VSNL1: variants seen among roughly 807,000 people sequenced by gnomAD.
VSNL1 encodes visinin-like protein 1.
VSNL1 carries 6 observed loss-of-function variants against 20.4 expected under a neutral mutation model. That is an observed-to-expected ratio of 0.29 (90% confidence interval 0.16 to 0.58). The LOEUF is 0.58. VSNL1 is among the 20% of genes least tolerant of loss of function. The probability of loss-of-function intolerance (pLI) is 0.90; values close to 1 mark genes in which losing one functional copy is unlikely to be tolerated. For synonymous variants in VSNL1, 93 were observed against 86.4 expected, an observed-to-expected ratio of 1.08 and a Z score of -0.42; for missense variants, 100 against 234.5, an observed-to-expected ratio of 0.43 and a Z score of 3.75.
chr2:17,551,573 T>G (rs1004941741), intron 1 of VSNL1, among the ~76,000 whole-genome samples: 5 of 152,258 alleles, frequency 3.3e-5, no homozygotes, highest in African/African-American at 1.2e-4. Context: ...TATGATTCAT[T>G]CTTAAAACAA....
chr2:17,610,767 A>G (rs1181256020), intron 2 of VSNL1, among the ~76,000 whole-genome samples: 1 of 152,202 alleles, frequency 6.6e-6, no homozygotes, highest in African/African-American at 2.4e-5. Context: ...TCCAGATGAC[A>G]GGGGCTTGGC....
chr2:17,609,408 C>G (rs942379658), intron 2 of VSNL1, among the ~76,000 whole-genome samples: 27 of 152,166 alleles, frequency 1.8e-4, no homozygotes, highest in Admixed American at 1.8e-3. Context: ...TTTGGTTGGC[C>G]ACATGTTCAG....
intron 1 of VSNL1, among the ~76,000 whole-genome samples, chr2:17,546,309 C>G (rs1175483049): frequency 6.6e-6 from 1 of 151,946 alleles, no homozygotes; most frequent in Middle Eastern, 3.2e-3. Flanking sequence ...AAATCTCTCA[C>G]TTTTTAAGTA....
In VSNL1 at chr2:17,592,640, C is replaced by CT. The variant is rs55756596; in HGVS notation, c.162+443dup. Among the ~76,000 whole-genome samples, 65 of 70,880 alleles carry CT rather than the reference C, an allele frequency of 9.2e-4. 1 individual carries two copies. Among genetic ancestry groups the CT allele is most frequent in the African/African-American group, 3.2e-3 (65 of 20,366 alleles). 46.5% of individuals were successfully genotyped at this position (70,880 alleles called of 152,430 possible). A position where few individuals can be genotyped will look rare whatever the true frequency, so the allele number is the denominator to read the frequency against. On this transcript the variant is annotated intron_variant, in intron 2 of 3. Coordinates refer to ENST00000295156, the MANE Select transcript of VSNL1 (RefSeq NM_003385.5). ...AAGAGGGCTTTTTCTCTCTCTCTCT[C>CT]TTTTTTTTTTTTTTTTTTTTTTTTT... is the stretch of plus-strand genomic sequence containing the variant.
intron 1 of VSNL1, 26 bp from the exon 2 acceptor site, chr2:17,592,044 A>G (rs1664603201): frequency 6.2e-7 from 1 of 1,613,108 alleles, no homozygotes; most frequent in Non-Finnish European, 8.5e-7. Context: ...CCACAGCGCT[A>G]ATTGAATTAA....
At chr2:17,628,630 C>T (rs1665564144) in intron 2 of VSNL1, among the ~76,000 whole-genome samples, 1 of 152,174 alleles carries the variant, frequency 6.6e-6, no homozygotes, top group African/African-American at 2.4e-5. Flanking sequence ...AGAATACCTC[C>T]CTCTAAATGG....
At position 17,655,085 on chromosome 2, in the gene VSNL1, A is replaced by G; in HGVS notation, c.379-112A>G. The stretch of plus-strand genomic sequence containing the variant: ...GAGTGAAACTCCTCTGGGGAAAGGG[A>G]AGCTGAGGCTTGGAGGATGGGTGGG... On this transcript the variant is annotated intron_variant, in intron 3 of 3. Coordinates refer to ENST00000295156, the MANE Select transcript of VSNL1 (RefSeq NM_003385.5). This position sits in a 1 kb window ranked among gnomAD's most constrained non-coding sequence, Gnocchi z 5.2. 2.8e-6 allele frequency: 3 copies of G among 1,072,984 alleles called. No individual in the cohort carries two copies. The highest frequency in any genetic ancestry group is 4.1e-6 in the Non-Finnish European group (3 of 734,874). 66.5% of individuals were successfully genotyped at this position (1,072,984 alleles called of 1,614,324 possible).
intron 2 of VSNL1, among the ~76,000 whole-genome samples, chr2:17,643,399 A>C (rs2103424091): frequency 6.6e-6 from 1 of 152,322 alleles, no homozygotes; most frequent in Non-Finnish European, 1.5e-5. Flanking sequence ...TTGCAGGCCA[A>C]GTGGTGAGCC....
At chr2:17,633,348 C>CA (rs10706048) in intron 2 of VSNL1, among the ~76,000 whole-genome samples, 93 of 50,510 alleles carry the variant, frequency 1.8e-3, no homozygotes, top group African/African-American at 2.1e-3. Context: ...ACTAAAAATA[C>CA]AAAAAAAAAA....
intron 2 of VSNL1, among the ~76,000 whole-genome samples, chr2:17,643,901 G>A (rs1558310489): frequency 6.6e-6 from 1 of 152,310 alleles, no homozygotes; most frequent in Non-Finnish European, 1.5e-5. Flanking sequence ...AGCGGCCCCG[G>A]GACAAGGGAG....
chr2:17,644,725 T>G (rs79642726), intron 2 of VSNL1, among the ~76,000 whole-genome samples: 4,417 of 152,314 alleles, frequency 0.029, 83 homozygotes, highest in African/African-American at 0.058. Flanking sequence ...GAGAAGGACC[T>G]GCTTAGAGCC....
At chr2:17,619,220 T>C (rs550637850) in intron 2 of VSNL1, among the ~76,000 whole-genome samples, 2 of 152,322 alleles carry the variant, frequency 1.3e-5, no homozygotes, top group East Asian at 3.9e-4. Context: ...ACAACTGAAA[T>C]TGGATCTGGT....
chr2:17,610,948 C>T (rs13019617), intron 2 of VSNL1, among the ~76,000 whole-genome samples: 1 of 151,960 alleles, frequency 6.6e-6, no homozygotes, highest in African/African-American at 2.4e-5. Flanking sequence ...TCTGATCCTG[C>T]TGGTAGTTTT....
At chr2:17,602,423 AT>A (rs1029691463) in intron 2 of VSNL1, among the ~76,000 whole-genome samples, 118 of 152,244 alleles carry the variant, frequency 7.8e-4, no homozygotes, top group African/African-American at 2.2e-3. Flanking sequence ...ATTTTGGGCT[AT>A]TTTACGACCA....
rs548008478 is a variant in VSNL1 at position 17,557,912 on chromosome 2, G to T, written c.-6+16994G>T. ...TGCTTTCCTGTGGTGTAGATGTATAGGTCATTAGATACGCCCAAGTGCTCC... is the reference window on the plus strand; with the variant it reads ...TGCTTTCCTGTGGTGTAGATGTATATGTCATTAGATACGCCCAAGTGCTCC... On this transcript the variant is annotated intron_variant, in intron 1 of 3. Transcript: ENST00000295156. 3.0e-4 allele frequency among the ~76,000 whole-genome samples: 45 copies of T among 151,886 alleles called. 1 individual carries two copies. Among genetic ancestry groups the T allele is most frequent in the Admixed American group, 2.1e-3 (32 of 15,262 alleles).
intron 2 of VSNL1, among the ~76,000 whole-genome samples, chr2:17,648,176 G>A (rs1666039679): frequency 1.3e-5 from 2 of 152,176 alleles, no homozygotes; most frequent in South Asian, 4.1e-4. Flanking sequence ...CCTTCTCCTG[G>A]AATGCTTGGC....
At chr2:17,578,084 G>A (rs997352754) in intron 1 of VSNL1, among the ~76,000 whole-genome samples, 5 of 152,050 alleles carry the variant, frequency 3.3e-5, no homozygotes, top group African/African-American at 4.8e-5. Context: ...CTAAAATATC[G>A]GTCATATAGA....
chr2:17,593,836 G>T (rs949761069), intron 2 of VSNL1, among the ~76,000 whole-genome samples: 6 of 152,172 alleles, frequency 3.9e-5, no homozygotes, highest in Non-Finnish European at 5.9e-5. Flanking sequence ...ACTCTCCCTA[G>T]TTTTCAATGT....
In VSNL1 at chr2:17,540,926, G is replaced by A. The variant is rs1663271367; in HGVS notation, c.-6+8G>A. ...GTGCGCAGCGCTGTAACTGTAAGTG[G>A]AAAATACAATCTTCGTTGCATTTCT... On this transcript the variant is annotated splice_region_variant and intron_variant, in intron 1 of 3. Transcript: ENST00000295156. 2.6e-5 allele frequency: 4 copies of A among 152,276 alleles called. No homozygotes were observed. Among genetic ancestry groups the A allele is most frequent in the Admixed American group, 2.6e-4 (4 of 15,284 alleles). 9.4% of individuals were successfully genotyped at this position (152,276 alleles called of 1,614,324 possible).
Sources: gnomAD v4.1 joint callset for allele counts (sites outside exome capture counted in the v4.1 genomes callset) on GRCh38, gnomAD v4.1.1 for gene constraint, Gnocchi (gnomAD v3.1) non-coding constraint, MANE v1.5 for transcripts, NCBI Gene and HGNC (gene_info 2026-07-23, HGNC 2026-07-21) for gene names.